ATG10: variants seen among roughly 807,000 people sequenced by gnomAD.
ATG10 encodes autophagy related 10, also known as ubiquitin-like-conjugating enzyme ATG10.
Under a neutral mutation model 32.1 loss-of-function variants are expected in ATG10, and 30 were observed. The ratio of observed to expected loss-of-function variants is 0.94; its 90% confidence interval spans 0.70 to 1.27. The LOEUF is 1.27. ATG10 is among the 50% of genes most tolerant of loss of function. ATG10 has a pLI of 0.00. For missense variants in ATG10, 233 were observed against 262.3 expected (o/e 0.89, Z 0.77); for synonymous variants, 87 against 91.5 (o/e 0.95, Z 0.28).
chr5:82,220,473 A>G (rs1165601070), intron 5 of ATG10, among the ~76,000 whole-genome samples: 2 of 152,008 alleles, frequency 1.3e-5, no homozygotes, highest in African/African-American at 4.8e-5. Flanking sequence ...TGTGTTAGCC[A>G]GGATGGTCTC....
intron 5 of ATG10, among the ~76,000 whole-genome samples, chr5:82,218,943 G>A (rs1232734719): frequency 6.6e-6 from 1 of 152,084 alleles, no homozygotes; most frequent in Non-Finnish European, 1.5e-5. Flanking sequence ...GTGGAGAGAG[G>A]GAGAGACTAC....
intron 2 of ATG10, among the ~76,000 whole-genome samples, chr5:82,021,066 G>A (rs1026524586): frequency 6.6e-6 from 1 of 152,120 alleles, no homozygotes; most frequent in Non-Finnish European, 1.5e-5. Flanking sequence ...CAATGTATGA[G>A]TTTAACAGAA....
chr5:82,089,214 T>C (rs1764795843), intron 3 of ATG10, among the ~76,000 whole-genome samples: 1 of 152,078 alleles, frequency 6.6e-6, no homozygotes, highest in African/African-American at 2.4e-5. Flanking sequence ...TGGTGGTGCA[T>C]GCCTGAAATC....
intron 2 of ATG10, among the ~76,000 whole-genome samples, chr5:82,045,340 A>G (rs991556218): frequency 3.9e-5 from 6 of 152,070 alleles, no homozygotes; most frequent in African/African-American, 1.4e-4. Flanking sequence ...ATGTGATCAT[A>G]TATATATATG....
chr5:82,038,439 A>G (rs1762997131), intron 2 of ATG10, among the ~76,000 whole-genome samples: 1 of 152,188 alleles, frequency 6.6e-6, no homozygotes, highest in Non-Finnish European at 1.5e-5. Flanking sequence ...CCACAGCCAG[A>G]ATGGCAGGGT....
intron 1 of ATG10, among the ~76,000 whole-genome samples, chr5:81,980,075 G>T (rs1263976572): frequency 2.0e-5 from 3 of 151,950 alleles, no homozygotes; most frequent in Admixed American, 6.6e-5. Flanking sequence ...ACATCTCTCT[G>T]TTGCCTTGAA....
At chr5:82,175,897 A>G (rs1350362005) in intron 4 of ATG10, among the ~76,000 whole-genome samples, 1 of 134,010 alleles carries the variant, frequency 7.5e-6, no homozygotes, top group Non-Finnish European at 1.8e-5. Flanking sequence ...GCACACACAC[A>G]CACACACACA....
chr5:82,104,012 G>GTAGT (rs1245525639), intron 3 of ATG10, among the ~76,000 whole-genome samples: 11 of 152,136 alleles, frequency 7.2e-5, no homozygotes, highest in African/African-American at 2.4e-4. Flanking sequence ...AGAGTTGCAT[G>GTAGT]TAGTTATTTG....
chr5:82,178,716 C>A, intron 5 of ATG10, 129 bp downstream of exon 5: 1 of 581,970 alleles, frequency 1.7e-6, no homozygotes, highest in Non-Finnish European at 2.9e-6. Context: ...TATTTCACCT[C>A]AAAGACAGTT....
intron 2 of ATG10, among the ~76,000 whole-genome samples, chr5:82,009,034 T>C (rs1762057425): frequency 6.6e-6 from 1 of 152,182 alleles, no homozygotes; most frequent in South Asian, 2.1e-4. Flanking sequence ...TTTTTTCTCA[T>C]AGTTGCATAA....
In ATG10 at chr5:82,241,492, G is replaced by A. The variant is rs547742842; in HGVS notation, c.454-11070G>A. Among the ~76,000 whole-genome samples the A allele has an allele frequency of 5.9e-5, 9 of 152,178 alleles. No homozygotes were observed. In the East Asian group the frequency reaches 1.5e-3, roughly 26 times the overall value. On this transcript the variant is annotated intron_variant, in intron 5 of 7. Coordinates refer to ENST00000282185, the MANE Select transcript of ATG10 (RefSeq NM_031482.5). ...ATTATGAGATGCTACATGATCCTGC[G>A]TCTTGGCTAGCTCTCTGGTCTTACT...
At chr5:82,144,550 G>T (rs1488149708) in intron 3 of ATG10, among the ~76,000 whole-genome samples, 1 of 150,996 alleles carries the variant, frequency 6.6e-6, no homozygotes, top group Non-Finnish European at 1.5e-5. Flanking sequence ...TTCACTTTAT[G>T]ATTTTTAAAT....
intron 5 of ATG10, among the ~76,000 whole-genome samples, chr5:82,234,692 A>G (rs1746491602): frequency 6.6e-6 from 1 of 152,222 alleles, no homozygotes; most frequent in Non-Finnish European, 1.5e-5. Context: ...CTTTACAATA[A>G]TTATATGTCA....
intron 5 of ATG10, chr5:82,242,851 C>A: frequency 2.2e-6 from 1 of 448,408 alleles, no homozygotes; most frequent in South Asian, 1.6e-5. Flanking sequence ...GAATATTATC[C>A]CAGAATGAAT....
intron 2 of ATG10, among the ~76,000 whole-genome samples, chr5:82,053,951 C>T (rs1763507740): frequency 6.6e-6 from 1 of 152,140 alleles, no homozygotes; most frequent in African/African-American, 2.4e-5. Flanking sequence ...AGAGCATTAA[C>T]AGAGGTGATT....
chr5:82,224,353 T>A (rs1325686496), intron 5 of ATG10, among the ~76,000 whole-genome samples: 1 of 152,210 alleles, frequency 6.6e-6, no homozygotes, highest in Non-Finnish European at 1.5e-5. Context: ...TTAAACCACA[T>A]GCAACATGGG....
At chr5:82,232,378 A>G (rs1359368499) in intron 5 of ATG10, among the ~76,000 whole-genome samples, 1 of 152,208 alleles carries the variant, frequency 6.6e-6, no homozygotes, top group Non-Finnish European at 1.5e-5. Context: ...CAGGCTTGGC[A>G]TTGGAAAAAC....
intron 3 of ATG10, among the ~76,000 whole-genome samples, chr5:82,141,579 GAA>G (rs1274144775): frequency 4.6e-5 from 7 of 151,816 alleles, no homozygotes. Context: ...AGAAAAGACT[GAA>G]GAGATGAAAA....
At chr5:82,121,435 AT>A (rs1210443392) in intron 3 of ATG10, among the ~76,000 whole-genome samples, 1 of 152,174 alleles carries the variant, frequency 6.6e-6, no homozygotes, top group Non-Finnish European at 1.5e-5. Context: ...CTCTCTTCCT[AT>A]TAAGATGCCC....
Sources: gnomAD v4.1 joint callset for allele counts (sites outside exome capture counted in the v4.1 genomes callset) on GRCh38, gnomAD v4.1.1 for gene constraint, MANE v1.5 for transcripts, NCBI Gene and HGNC (gene_info 2026-07-23, HGNC 2026-07-21) for gene names.